Variants in TMEM74 observed in about 807,000 individuals in gnomAD.
TMEM74 encodes transmembrane protein 74.
Under a neutral mutation model 18.1 loss-of-function variants are expected in TMEM74, and 13 were observed. The observed-to-expected ratio is 0.72, with a 90% CI of 0.47 to 1.14. The LOEUF (loss-of-function observed/expected upper bound fraction) is 1.14, where lower values mean the gene tolerates loss of function less well. Among genes scored for constraint, TMEM74 ranks in the 50% most tolerant of loss-of-function variants. The pLI is 0.00. For missense variants in TMEM74, 372 were observed against 375.9 expected, an observed-to-expected ratio of 0.99 and a Z score of 0.09; for synonymous variants, 159 against 146.6, an observed-to-expected ratio of 1.08 and a Z score of -0.61.
At chr8:108,649,918 A>G (rs1812756792) in intron 2 of TMEM74, among the ~76,000 whole-genome samples, 1 of 152,140 alleles carries the variant, frequency 6.6e-6, no homozygotes, top group Non-Finnish European at 1.5e-5. Context: ...CTCGGCTTTC[A>G]TAGACAAAAT....
chr8:108,636,636 A>C (rs1812609573), intron 2 of TMEM74, among the ~76,000 whole-genome samples: 1 of 152,056 alleles, frequency 6.6e-6, no homozygotes, highest in Admixed American at 6.6e-5. Context: ...TAGTCTGTGA[A>C]GAACCCAACA....
downstream of TMEM74, among the ~76,000 whole-genome samples, chr8:108,774,069 A>G (rs1814201923): frequency 6.6e-6 from 1 of 152,236 alleles, no homozygotes; most frequent in Non-Finnish European, 1.5e-5. Context: ...TGAGGAAAAA[A>G]GAAGGCAAAG....
chr8:108,658,438 A>C (rs1011634225), intron 1 of TMEM74, among the ~76,000 whole-genome samples: 1 of 152,152 alleles, frequency 6.6e-6, no homozygotes, highest in African/African-American at 2.4e-5. Context: ...TGAGATAGAC[A>C]CATTAGAAAT....
intron 1 of TMEM74, among the ~76,000 whole-genome samples, chr8:108,670,757 G>C (rs1284014834): frequency 2.6e-5 from 4 of 151,990 alleles, no homozygotes; most frequent in Non-Finnish European, 5.9e-5. Context: ...TTCATCCCAT[G>C]TTCACCGTAA....
At chr8:108,718,184 T>A (rs1813548005) in intron 1 of TMEM74, among the ~76,000 whole-genome samples, 1 of 72,230 alleles carries the variant, frequency 1.4e-5, no homozygotes, top group South Asian at 4.9e-4. Flanking sequence ...GGTCTCGATC[T>A]CCTGACCTCG....
chr8:108,716,028 T>G (rs1813520472), intron 1 of TMEM74, among the ~76,000 whole-genome samples: 1 of 151,792 alleles, frequency 6.6e-6, no homozygotes, highest in African/African-American at 2.4e-5. Flanking sequence ...AGTATAAAAA[T>G]TGATTAAAAA....
At chr8:108,631,875 T>C (rs1356391681) in intron 2 of TMEM74, among the ~76,000 whole-genome samples, 1 of 152,036 alleles carries the variant, frequency 6.6e-6, no homozygotes, top group Non-Finnish European at 1.5e-5. Flanking sequence ...GGGGTGTAGA[T>C]AGTTAGATTA....
At chr8:108,726,225 G>A (rs1247468625) in intron 1 of TMEM74, among the ~76,000 whole-genome samples, 5 of 152,066 alleles carry the variant, frequency 3.3e-5, no homozygotes, top group African/African-American at 4.8e-5. Flanking sequence ...TACCTAATGG[G>A]AATGTTGTAG....
chr8:108,688,825 C>T (rs887785953), intron 1 of TMEM74, among the ~76,000 whole-genome samples: 33 of 152,150 alleles, frequency 2.2e-4, no homozygotes, highest in African/African-American at 7.7e-4. Context: ...GCAGTCTTGA[C>T]CAGCCCACAC....
rs374656863 is a variant in TMEM74, at chr8:108,662,124, G to A, written n.120-6687C>T. ...TGGATAGACCCATTGGGAGAACAAAGGATTTGGGAGATAGAGCCTTCCACA... is the reference window on the plus strand; with the variant it reads ...TGGATAGACCCATTGGGAGAACAAAAGATTTGGGAGATAGAGCCTTCCACA... On this transcript the variant is annotated intron_variant and non_coding_transcript_variant, in intron 1 of 3. Transcript: ENST00000518838. Among the ~76,000 whole-genome samples, 15 of 152,154 alleles carry A rather than the reference G, an allele frequency of 9.9e-5. 1 individual carries two copies. The highest frequency in any genetic ancestry group is 3.6e-4 in the African/African-American group (15 of 41,552).
intron 1 of TMEM74, among the ~76,000 whole-genome samples, chr8:108,657,390 C>T (rs1290732087): frequency 6.6e-6 from 1 of 151,874 alleles, no homozygotes; most frequent in Non-Finnish European, 1.5e-5. Flanking sequence ...TTCTGAAGCA[C>T]CAGCATAACA....
intron 2 of TMEM74, among the ~76,000 whole-genome samples, chr8:108,648,878 T>A (rs899620721): frequency 6.6e-6 from 1 of 152,162 alleles, no homozygotes. Context: ...GGTCTTAAGT[T>A]ACTACGTTTC....
intron 1 of TMEM74, among the ~76,000 whole-genome samples, chr8:108,698,057 C>T (rs550239768): frequency 6.6e-6 from 1 of 152,114 alleles, no homozygotes; most frequent in African/African-American, 2.4e-5. Flanking sequence ...AAGTCTGTGT[C>T]CTGCCTGTGC....
chr8:108,679,691 G>C (rs1419402967), intron 1 of TMEM74, among the ~76,000 whole-genome samples: 9 of 152,182 alleles, frequency 5.9e-5, no homozygotes, highest in Admixed American at 4.6e-4. Context: ...CTCCCATTTT[G>C]TAGGTTGTCT....
At chr8:108,718,197 A>G (rs1273846794) in intron 1 of TMEM74, among the ~76,000 whole-genome samples, 1 of 139,956 alleles carries the variant, frequency 7.1e-6, no homozygotes, top group Non-Finnish European at 1.5e-5. Context: ...TGACCTCGTG[A>G]TCCGCCCGCC....
At chr8:108,707,115 C>T (rs1279861979) in intron 1 of TMEM74, among the ~76,000 whole-genome samples, 1 of 136,014 alleles carries the variant, frequency 7.4e-6, no homozygotes, top group Non-Finnish European at 1.5e-5. Context: ...TGTTCTCACT[C>T]ATAGGTGGGA....
intron 1 of TMEM74, among the ~76,000 whole-genome samples, chr8:108,705,471 C>A (rs1332637540): frequency 1.3e-5 from 2 of 152,098 alleles, no homozygotes; most frequent in Non-Finnish European, 2.9e-5. Flanking sequence ...TACCTCTAGC[C>A]CATATGGTTC....
chr8:108,675,514 G>C (rs1051955743), intron 1 of TMEM74, among the ~76,000 whole-genome samples: 1 of 152,124 alleles, frequency 6.6e-6, no homozygotes, highest in Non-Finnish European at 1.5e-5. Flanking sequence ...AATCGCATTA[G>C]AGTACCCAGC....
intron 1 of TMEM74, among the ~76,000 whole-genome samples, chr8:108,740,676 C>T (rs899492827): frequency 1.3e-5 from 2 of 152,126 alleles, no homozygotes; most frequent in African/African-American, 4.8e-5. Context: ...ATTATTATTA[C>T]ATCTGTTACA....
Sources: allele counts gnomAD v4.1 joint callset (sites outside exome capture counted in the v4.1 genomes callset), GRCh38; gene constraint gnomAD v4.1.1; transcripts MANE v1.5; gene names NCBI Gene and HGNC (gene_info 2026-07-23, HGNC 2026-07-21).